Variants in SUCLA2 observed in about 807,000 individuals in gnomAD.
SUCLA2 encodes the protein succinate--CoA ligase [ADP-forming] subunit beta, mitochondrial.
Under a neutral mutation model 54.8 loss-of-function variants are expected in SUCLA2, and 30 were observed. The ratio of observed to expected loss-of-function variants is 0.55; its 90% CI spans 0.41 to 0.74. The LOEUF is 0.74. SUCLA2 is among the 30% of genes least tolerant of loss of function. The pLI, the probability that SUCLA2 is intolerant of heterozygous loss-of-function variation, is 0.00. For missense variants in SUCLA2, 476 were observed against 562.9 expected, an observed-to-expected ratio of 0.85 and a Z score of 1.56; for synonymous variants, 172 against 188.9, an observed-to-expected ratio of 0.91 and a Z score of 0.74.
chr13:47,997,896 A>G (rs946681178), intron 1 of SUCLA2, among the ~76,000 whole-genome samples: 5 of 152,188 alleles, frequency 3.3e-5, no homozygotes, highest in Admixed American at 6.5e-5. Flanking sequence ...CCCATTCTCA[A>G]CTGCACTATT....
rs1422790610 is a variant in SUCLA2 at position 47,973,359 on chromosome 13, C to T, written c.568G>A (p.Val190Ile). 3.1e-6 allele frequency: 5 copies of T among 1,613,484 alleles called. No homozygotes were observed. In the East Asian group the frequency reaches 6.7e-5, roughly 22 times the overall value. The change falls in exon 5 of 11, where the codon GTC becomes ATC. Residue 190 changes from valine to isoleucine, a missense_variant. Coordinates refer to ENST00000646932, the MANE Select transcript of SUCLA2 (RefSeq NM_003850.3). ...PVLIGSSHGG[V>I]NIEDVAAESP... ...TCAGCAGCAACATCTTCAATGTTGACACCACCATGTGAACTTCCTATTAAT... is the reference window on the plus strand; with the variant it reads ...TCAGCAGCAACATCTTCAATGTTGATACCACCATGTGAACTTCCTATTAAT...
chr13:47,991,581 G>A (rs138434536), intron 2 of SUCLA2: 3 of 152,162 alleles, frequency 2.0e-5, no homozygotes, highest in African/African-American at 7.2e-5. Flanking sequence ...TTGTTGTTTT[G>A]CTTCCCCATC....
At chr13:47,943,756 G>GTATATATATA (rs760716282) in intron 10 of SUCLA2, among the ~76,000 whole-genome samples, 2 of 120,534 alleles carry the variant, frequency 1.7e-5, no homozygotes, top group Non-Finnish European at 3.4e-5. Context: ...GTGTGTGTGT[G>GTATATATATA]TGTGTGTGTG....
intron 6 of SUCLA2, among the ~76,000 whole-genome samples, chr13:47,961,983 C>G (rs1949874809): frequency 6.6e-6 from 1 of 152,160 alleles, no homozygotes; most frequent in Admixed American, 6.5e-5. Flanking sequence ...TTAGAGAGAC[C>G]TTTCAGGACT....
chr13:47,951,539 G>C (rs1455246062), intron 8 of SUCLA2, among the ~76,000 whole-genome samples: 5 of 152,000 alleles, frequency 3.3e-5, no homozygotes, highest in Non-Finnish European at 7.4e-5. Context: ...GCTTATTCAG[G>C]GAAAAGTAAA....
chr13:48,000,786 T>G (rs1014875525), intron 1 of SUCLA2: 2 of 922,720 alleles, frequency 2.2e-6, no homozygotes, highest in African/African-American at 3.5e-5. Flanking sequence ...AACACAAAAG[T>G]ACTTTTGAAG....
intron 8 of SUCLA2, among the ~76,000 whole-genome samples, chr13:47,952,421 C>G (rs1446039401): frequency 1.3e-5 from 2 of 152,016 alleles, no homozygotes; most frequent in Non-Finnish European, 2.9e-5. Flanking sequence ...AGTACAATAT[C>G]TTTTCAATGA....
intron 4 of SUCLA2, among the ~76,000 whole-genome samples, chr13:47,979,009 G>A (rs1301461416): frequency 1.3e-5 from 2 of 152,150 alleles, no homozygotes; most frequent in East Asian, 3.8e-4. Context: ...AAAAAGTCAG[G>A]AAACAACAGA....
At chr13:47,969,828 G>A (rs962641771) in intron 5 of SUCLA2, among the ~76,000 whole-genome samples, 10 of 152,114 alleles carry the variant, frequency 6.6e-5, no homozygotes, top group East Asian at 1.9e-4. Flanking sequence ...TAGGCTGGGC[G>A]CAGTGGCTCA....
intron 4 of SUCLA2, among the ~76,000 whole-genome samples, chr13:47,977,155 G>C (rs922096005): frequency 6.6e-6 from 1 of 152,152 alleles, no homozygotes; most frequent in Non-Finnish European, 1.5e-5. Context: ...GTCTGAGACT[G>C]CTATGAAAAA....
intron 1 of SUCLA2, among the ~76,000 whole-genome samples, chr13:47,998,528 C>T (rs1448573463): frequency 6.6e-6 from 1 of 151,974 alleles, no homozygotes; most frequent in Non-Finnish European, 1.5e-5. Context: ...AATGGATAAA[C>T]TGTGGTATAT....
chr13:47,990,802 T>C (rs1950143948), intron 2 of SUCLA2, among the ~76,000 whole-genome samples: 1 of 152,122 alleles, frequency 6.6e-6, no homozygotes, highest in Admixed American at 6.6e-5. Context: ...ACCAAATCAA[T>C]GAGGTAGGAA....
intron 5 of SUCLA2, among the ~76,000 whole-genome samples, chr13:47,972,318 A>C (rs933320443): frequency 6.6e-6 from 1 of 152,148 alleles, no homozygotes; most frequent in Non-Finnish European, 1.5e-5. Flanking sequence ...CAAATTGTAA[A>C]TGAAAAATTG....
At chr13:47,968,466 G>A (rs1203231235) in intron 6 of SUCLA2, 129 bp downstream of exon 6, 3 of 1,034,454 alleles carry the variant, frequency 2.9e-6, no homozygotes, top group Non-Finnish European at 4.2e-6. Flanking sequence ...CATTCTATCT[G>A]ATTTTTTTTT....
chr13:47,944,682 C>G (rs1317878795), intron 10 of SUCLA2, among the ~76,000 whole-genome samples: 2 of 152,264 alleles, frequency 1.3e-5, no homozygotes, highest in East Asian at 3.9e-4. Context: ...TTCCCTTGCT[C>G]AAATTCTTTA....
At chr13:48,001,034 T>C in intron 1 of SUCLA2, 146 bp downstream of exon 1, 1 of 1,491,718 alleles carries the variant, frequency 6.7e-7, no homozygotes, top group Admixed American at 2.1e-5. Flanking sequence ...CGAGCAGCAC[T>C]CCCAGGCAAG....
At chr13:47,947,814 T>C (rs1268625330) in intron 10 of SUCLA2, among the ~76,000 whole-genome samples, 4 of 152,132 alleles carry the variant, frequency 2.6e-5, no homozygotes, top group Non-Finnish European at 5.9e-5. Context: ...ACCATTAAAA[T>C]CCAGACTATG....
At position 47,943,124 on chromosome 13, in the gene SUCLA2, G is replaced by T; in HGVS notation, c.*247C>A. The T allele has an allele frequency of 2.1e-6, 1 of 465,684 alleles. No individual in the cohort carries two copies. Among genetic ancestry groups the T allele is most frequent in the Non-Finnish European group, 3.9e-6 (1 of 257,410 alleles). The allele number at this position is 465,684 out of a possible 1,614,324, so 28.8% of individuals were successfully genotyped here. A position where few individuals can be genotyped will look rare whatever the true frequency, so the allele number is the denominator to read the frequency against. On this transcript the variant is annotated 3_prime_UTR_variant, in exon 11 of 11. Transcript: ENST00000646932. ...ACTGGCAAATTGCAAGTTACGTTTTGTAGGAGAAGCAAAAAAGACTGGCTG... is the reference window on the plus strand; with the variant it reads ...ACTGGCAAATTGCAAGTTACGTTTTTTAGGAGAAGCAAAAAAGACTGGCTG...
At chr13:47,971,035 C>G (rs954733835) in intron 5 of SUCLA2, among the ~76,000 whole-genome samples, 3 of 147,434 alleles carry the variant, frequency 2.0e-5, no homozygotes, top group African/African-American at 5.0e-5. Flanking sequence ...GACTCCGTCT[C>G]AAAAAAAAAC....
Sources: gnomAD v4.1 joint callset for allele counts (sites outside exome capture counted in the v4.1 genomes callset) on GRCh38, gnomAD v4.1.1 for gene constraint, MANE v1.5 for transcripts, NCBI Gene and HGNC (gene_info 2026-07-23, HGNC 2026-07-21) for gene names.